The following ZNF563 variants were observed in gnomAD, a reference collection of about 807,000 sequenced individuals.
ZNF563 encodes zinc finger protein 563.
In ZNF563, 39 loss-of-function variants were observed where a neutral mutation model predicts 48.5. That is an observed-to-expected ratio of 0.80 (90% CI 0.62 to 1.05). The LOEUF is 1.05. ZNF563 is among the 50% of genes least tolerant of loss of function. The probability of loss-of-function intolerance (pLI) is 0.00; values close to 1 mark genes in which losing one functional copy is unlikely to be tolerated. For missense variants in ZNF563, 538 were observed against 597.0 expected (o/e 0.90, Z 1.03); for synonymous variants, 168 against 187.9 (o/e 0.89, Z 0.87).
At chr19:12,337,539 TGGTTTTCC>T (rs1969033366), upstream of ZNF563, among the ~76,000 whole-genome samples, 1 of 152,192 alleles carries the variant, frequency 6.6e-6, no homozygotes, top group African/African-American at 2.4e-5. Flanking sequence ...CTTTTAAAAA[TGGTTTTCC>T]GGTTTTCTGG....
the ZNF563 span, among the ~76,000 whole-genome samples, chr19:12,340,266 G>A: frequency 3.9e-5 from 6 of 152,208 alleles, no homozygotes; most frequent in South Asian, 2.1e-4. Context: ...CCCATGAGGC[G>A]GAGGTTGCAG....
At chr19:12,326,241 A>T (rs917106625) in intron 1 of ZNF563, among the ~76,000 whole-genome samples, 4 of 152,222 alleles carry the variant, frequency 2.6e-5, no homozygotes, top group Admixed American at 6.5e-5. Context: ...AGATTTAAAA[A>T]ATCAATAAAA....
chr19:12,336,570 C>T (rs1383320231), upstream of ZNF563, among the ~76,000 whole-genome samples: 6 of 152,192 alleles, frequency 3.9e-5, no homozygotes, highest in African/African-American at 1.4e-4. Flanking sequence ...CCAGCTTGGG[C>T]GACAGAGCGA....
chr19:12,321,160 A>G, intron 3 of ZNF563, 112 bp downstream of exon 3: 1 of 791,232 alleles, frequency 1.3e-6, no homozygotes, highest in Non-Finnish European at 1.9e-6. Flanking sequence ...TTAATTTAAA[A>G]AATTAAAAAA....
At chr19:12,338,726 C>T in the ZNF563 span, among the ~76,000 whole-genome samples, 1 of 152,082 alleles carries the variant, frequency 6.6e-6, no homozygotes, top group African/African-American at 2.4e-5. Context: ...GTGGCACATG[C>T]CTGTAATCCC....
At position 12,319,551 on chromosome 19, in the gene ZNF563, C is replaced by T. The variant is rs759706943; in HGVS notation, c.474G>A (p.Ser158=). The T allele has an allele frequency of 9.3e-6, 15 of 1,614,110 alleles. No homozygotes were observed. Among genetic ancestry groups the T allele is most frequent in the Middle Eastern group, 1.6e-4 (1 of 6,062 alleles). The change falls in exon 4 of 4, where the codon TCG becomes TCA. Residue 158 remains serine, a synonymous_variant. Coordinates refer to ENST00000293725, the MANE Select transcript of ZNF563 (RefSeq NM_145276.3). ...KAFSYHHSFQ[S]RGRPHTGKKR... is the part of the protein sequence containing the mutation. Reference sequence around the variant, plus strand: ...TCTTTCCAGTGTGAGGCCTTCCACGCGACTGAAAGGAGTGATGGTAACTGA... The same window carrying T: ...TCTTTCCAGTGTGAGGCCTTCCACGTGACTGAAAGGAGTGATGGTAACTGA...
At chr19:12,326,286 G>A (rs990963739) in intron 1 of ZNF563, among the ~76,000 whole-genome samples, 1 of 152,136 alleles carries the variant, frequency 6.6e-6, no homozygotes, top group African/African-American at 2.4e-5. Context: ...TAATGCAGCT[G>A]CAAAGTACAA....
At chr19:12,328,727 C>T (rs1413394213) in intron 1 of ZNF563, among the ~76,000 whole-genome samples, 1 of 151,898 alleles carries the variant, frequency 6.6e-6, no homozygotes, top group Admixed American at 6.6e-5. Flanking sequence ...CGAAATTGTG[C>T]CACTGTACTT....
chr19:12,318,694 G>C lies in ZNF563; in HGVS notation c.1331C>G (p.Thr444Arg). ...SSFRRHMVMH[T>R]GDGPNKCKVC... Reference sequence around the variant, plus strand: ...CTTGCATTTATTCGGCCCATCTCCCGTATGCATTACCATATGTCTTCGAAA... The same window carrying C: ...CTTGCATTTATTCGGCCCATCTCCCCTATGCATTACCATATGTCTTCGAAA... The change falls in exon 4 of 4, where the codon ACG becomes AGG. Residue 444 changes from threonine (T) to arginine (R), a missense_variant. Transcript: ENST00000293725. 2.5e-6 allele frequency: 4 copies of C among 1,614,094 alleles called. No homozygotes were observed. The highest frequency in any genetic ancestry group is 3.4e-6 in the Non-Finnish European group (4 of 1,180,024).
intron 1 of ZNF563, among the ~76,000 whole-genome samples, chr19:12,332,139 G>GTA (rs910056079): frequency 1.6e-4 from 25 of 152,140 alleles, no homozygotes; most frequent in Admixed American, 1.6e-3. Flanking sequence ...TGAGGACAGT[G>GTA]TAGAGTCTTA....
At chr19:12,333,649 C>T (rs922882785), upstream of ZNF563, 35 of 1,021,480 alleles carry the variant, frequency 3.4e-5, no homozygotes, top group Admixed American at 6.6e-5. Context: ...TAGAGCTGAG[C>T]GCAGGGGCGT....
At chr19:12,321,538 G>A (rs1470618813) in intron 2 of ZNF563, among the ~76,000 whole-genome samples, 1 of 152,146 alleles carries the variant, frequency 6.6e-6, no homozygotes, top group Non-Finnish European at 1.5e-5. Context: ...TCCGCCTCCT[G>A]GGTTCAAGCG....
chr19:12,346,423 T>C, the ZNF563 span: 1 of 152,154 alleles, frequency 6.6e-6, no homozygotes, highest in African/African-American at 2.4e-5. Flanking sequence ...TTGGCTATTA[T>C]GAAAAAAATA....
upstream of ZNF563, among the ~76,000 whole-genome samples, chr19:12,336,509 G>A (rs1332465807): frequency 3.3e-5 from 5 of 152,174 alleles, no homozygotes; most frequent in South Asian, 2.1e-4. Flanking sequence ...GGAGAATCGC[G>A]TGAACCCAGG....
chr19:12,321,252 C>T lies in ZNF563; in HGVS notation c.191+20G>A. 1 of 1,536,808 alleles carries T rather than the reference C, an allele frequency of 6.5e-7. No homozygotes were observed. The stretch of plus-strand genomic sequence containing the variant: ...AGAATCACTTCAGAAACATAACTTT[C>T]TCCTGTGAGTGCAAATTACCTTAGA... On this transcript the variant is annotated intron_variant, in intron 3 of 3. Coordinates refer to ENST00000293725, the MANE Select transcript of ZNF563 (RefSeq NM_145276.3).
At chr19:12,322,100 G>T (rs1348998093) in intron 2 of ZNF563, among the ~76,000 whole-genome samples, 2 of 151,950 alleles carry the variant, frequency 1.3e-5, no homozygotes, top group African/African-American at 4.8e-5. Flanking sequence ...CTGTCACCCA[G>T]GTTGGAGTGC....
At chr19:12,339,743 T>C in the ZNF563 span, among the ~76,000 whole-genome samples, 11 of 151,892 alleles carry the variant, frequency 7.2e-5, no homozygotes, top group Admixed American at 2.6e-4. Flanking sequence ...AGAGAGAAGG[T>C]GAAGGGAGAA....
chr19:12,319,339 T>C lies in ZNF563; in HGVS notation c.686A>G (p.Gln229Arg). ...GTAAAAAGGAAAGGCTTTAGAACAC[T>C]GCTTACATTCATACGGTTTCTCTCC... ...HTGEKPYECK[Q>R]CSKAFPFYSS... The change falls in exon 4 of 4, where the codon CAG becomes CGG. Residue 229 changes from glutamine to arginine, a missense_variant. Physicochemically the swap from Gln to Arg is conservative, Grantham distance 43. Coordinates refer to ENST00000293725, the MANE Select transcript of ZNF563 (RefSeq NM_145276.3). 6.2e-7 allele frequency: 1 copy of C among 1,614,206 alleles called. No individual in the cohort carries two copies. The highest frequency in any genetic ancestry group is 8.5e-7 in the Non-Finnish European group (1 of 1,180,034).
chr19:12,334,248 A>G (rs1255529361), upstream of ZNF563, among the ~76,000 whole-genome samples: 2 of 152,246 alleles, frequency 1.3e-5, no homozygotes, highest in Admixed American at 6.5e-5. Context: ...CTGAAATCAC[A>G]CGGCAGCAAT....
Sources: allele counts gnomAD v4.1 joint callset (sites outside exome capture counted in the v4.1 genomes callset), GRCh38; gene constraint gnomAD v4.1.1; transcripts MANE v1.5; gene names NCBI Gene and HGNC (gene_info 2026-07-23, HGNC 2026-07-21).